OGDH: variants seen among roughly 807,000 people sequenced by gnomAD.
The protein encoded by OGDH is 2-oxoglutarate dehydrogenase complex component E1.
Under a neutral mutation model 116.6 loss-of-function variants are expected in OGDH, and 38 were observed. That is an observed-to-expected ratio of 0.33 (90% CI 0.25 to 0.43). The LOEUF is 0.43. OGDH is among the 20% of genes least tolerant of loss of function. The probability of loss-of-function intolerance (pLI) is 1.00; values close to 1 mark genes in which losing one functional copy is unlikely to be tolerated. For synonymous variants in OGDH, 488 were observed against 533.3 expected (o/e 0.92, Z 1.17); for missense variants, 825 against 1,357.2 (o/e 0.61, Z 6.16).
At chr7:44,674,665 G>C (rs1054389000) in intron 7 of OGDH, 108 bp downstream of exon 7, 19 of 1,249,602 alleles carry the variant, frequency 1.5e-5, no homozygotes, top group Admixed American at 6.1e-5. Flanking sequence ...TTGAGTGCCA[G>C]TTGTGAGTCT....
chr7:44,688,744 TTTG>T (rs957946821), intron 10 of OGDH, among the ~76,000 whole-genome samples: 2 of 151,996 alleles, frequency 1.3e-5, no homozygotes, highest in Non-Finnish European at 2.9e-5. Flanking sequence ...ATATACATTT[TTTG>T]TTGTTGTTTG....
Position 44,667,734 on chromosome 7 carries a change from G to A in OGDH, c.633+883G>A, listed in dbSNP as rs113639914. On this transcript the variant is annotated intron_variant, in intron 5 of 22. Coordinates refer to ENST00000222673, the MANE Select transcript of OGDH (RefSeq NM_002541.4). ...GAGGGGAGAATGGATTTGATGAGAG[G>A]TGCATGCCAAGAGTTGGCTATTACT... is the stretch of plus-strand genomic sequence containing the variant. Among the ~76,000 whole-genome samples the A allele has an allele frequency of 4.0e-3, 615 of 152,290 alleles. 5 individuals are homozygous for A. The highest frequency in any genetic ancestry group is 0.014 in the African/African-American group (592 of 41,548).
At chr7:44,626,965 G>A (rs1454835540) in intron 2 of OGDH, among the ~76,000 whole-genome samples, 2 of 152,092 alleles carry the variant, frequency 1.3e-5, no homozygotes, top group African/African-American at 4.8e-5. Context: ...CCCAGTATGT[G>A]GTGTGTGCAT....
chr7:44,633,218 A>G (rs1166430748), intron 2 of OGDH, among the ~76,000 whole-genome samples: 7 of 139,972 alleles, frequency 5.0e-5, no homozygotes, highest in Non-Finnish European at 1.1e-4. Context: ...GAGCCACTGC[A>G]CTCTAGCCTG....
At chr7:44,696,830 G>T in intron 14 of OGDH, 84 bp from the exon 15 acceptor site, 1 of 1,467,850 alleles carries the variant, frequency 6.8e-7, no homozygotes, top group Non-Finnish European at 9.1e-7. Flanking sequence ...AGAAGGCTCC[G>T]CTCTTGCCAT....
intron 18 of OGDH, 140 bp from the exon 19 acceptor site, chr7:44,700,001 C>T: frequency 1.1e-6 from 1 of 930,822 alleles, no homozygotes; most frequent in South Asian, 1.6e-5. Flanking sequence ...CAGGCCCCAC[C>T]TCCAGCAGTG....
In OGDH at chr7:44,610,538, G is replaced by A. The variant is rs561923924; in HGVS notation, c.-28+3885G>A. On this transcript the variant is annotated intron_variant, in intron 1 of 22. Transcript: ENST00000222673. ...AGGCTGGTCTCGAACTCCTGACCTC[G>A]CGATCTGTCCACCTCAGCCTCCCAG... 3.3e-5 allele frequency among the ~76,000 whole-genome samples: 5 copies of A among 152,190 alleles called. No homozygotes were observed. The East Asian group carries it at 7.7e-4, about 24-fold the overall frequency.
Position 44,705,051 on chromosome 7 carries a change from CTTTTTT to C in OGDH, c.2633-2160_2633-2155del, listed in dbSNP as rs777624714. 3.2e-5 allele frequency among the ~76,000 whole-genome samples: 3 copies of C among 93,948 alleles called. 1 individual carries two copies. Among genetic ancestry groups the C allele is most frequent in the Admixed American group, 2.1e-4 (2 of 9,368 alleles). 61.6% of individuals were successfully genotyped at this position (93,948 alleles called of 152,430 possible). On this transcript the variant is annotated intron_variant, in intron 20 of 22. Coordinates refer to ENST00000222673, the MANE Select transcript of OGDH (RefSeq NM_002541.4). The stretch of plus-strand genomic sequence containing the variant: ...TTGATGTACAAAAGTTTTTAATTTT[CTTTTTT>C]TTTTTTTTTTTTTGAGACGGAGTCT...
At chr7:44,655,624 G>T (rs1234115989) in intron 4 of OGDH, among the ~76,000 whole-genome samples, 1 of 152,238 alleles carries the variant, frequency 6.6e-6, no homozygotes, top group African/African-American at 2.4e-5. Context: ...GACAGTAAGG[G>T]TCAGGAGCAT....
chr7:44,658,868 C>G (rs1055522407), intron 4 of OGDH, among the ~76,000 whole-genome samples: 1 of 152,026 alleles, frequency 6.6e-6, no homozygotes, highest in Non-Finnish European at 1.5e-5. Context: ...CTGATTCTTG[C>G]TCTGTCACCC....
chr7:44,639,256 G>A (rs1267643282), intron 2 of OGDH, among the ~76,000 whole-genome samples: 1 of 152,162 alleles, frequency 6.6e-6, no homozygotes, highest in Non-Finnish European at 1.5e-5. Context: ...ATCTCCTTGG[G>A]GAGTGGAAGA....
At chr7:44,684,296 A>T (rs1033529363) in intron 10 of OGDH, among the ~76,000 whole-genome samples, 2 of 152,256 alleles carry the variant, frequency 1.3e-5, no homozygotes, top group Middle Eastern at 6.8e-3. Context: ...TATAAAGATG[A>T]TTTGTTATAG....
intron 4 of OGDH, among the ~76,000 whole-genome samples, chr7:44,658,445 T>A (rs1372977089): frequency 2.0e-5 from 3 of 151,900 alleles, no homozygotes; most frequent in African/African-American, 7.3e-5. Flanking sequence ...ATGAACTCAT[T>A]CTAGGGCTTT....
At chr7:44,610,302 T>TG (rs1554295487) in intron 1 of OGDH, among the ~76,000 whole-genome samples, 2 of 152,252 alleles carry the variant, frequency 1.3e-5, no homozygotes, top group African/African-American at 4.8e-5. Context: ...TTGGTTTTTT[T>TG]TTTGTTTGTT....
rs550064285 is a variant in OGDH, at chr7:44,663,010, C to G, written c.518-3726C>G. ...TATTTGGGAAGTTTTTAGCTAAGTA[C>G]CTTTTCAGCCACCCTCTTTATTTTC... On this transcript the variant is annotated intron_variant, in intron 4 of 22. Transcript: ENST00000222673. 5.3e-5 allele frequency among the ~76,000 whole-genome samples: 8 copies of G among 152,260 alleles called. 1 individual carries two copies. In the South Asian group the frequency reaches 1.7e-3, roughly 32 times the overall value.
intron 5 of OGDH, among the ~76,000 whole-genome samples, chr7:44,671,545 C>T (rs960326475): frequency 9.9e-5 from 15 of 151,700 alleles, no homozygotes; most frequent in Middle Eastern, 3.4e-3. Context: ...GGGCGGATCA[C>T]GAGGTCAGGA....
chr7:44,646,940 A>G lies in OGDH; in HGVS notation c.415-717A>G, dbSNP rs180671417. Among the ~76,000 whole-genome samples the G allele has an allele frequency of 2.2e-3, 340 of 152,084 alleles. 3 individuals are homozygous for G. The highest frequency in any genetic ancestry group is 0.014 in the Middle Eastern group (4 of 294). The stretch of plus-strand genomic sequence containing the variant: ...AGCCTTCATTTTCCTACTTAGAAAA[A>G]TTTTTCTTTAAATTTGATTTATTTT... On this transcript the variant is annotated intron_variant, in intron 3 of 22. Transcript: ENST00000222673.
chr7:44,664,686 G>T (rs7780417), intron 4 of OGDH, among the ~76,000 whole-genome samples: 26,832 of 152,060 alleles, frequency 0.18, 5,588 homozygotes, highest in African/African-American at 0.49. Context: ...TCTTATGATT[G>T]TTTTGCATAT....
chr7:44,669,722 G>C (rs894088713), intron 5 of OGDH, among the ~76,000 whole-genome samples: 2 of 152,024 alleles, frequency 1.3e-5, no homozygotes, highest in Non-Finnish European at 2.9e-5. Context: ...CTTGGAGTTG[G>C]CTCTTGTTGT....
Sources: allele counts gnomAD v4.1 joint callset (sites outside exome capture counted in the v4.1 genomes callset), GRCh38; gene constraint gnomAD v4.1.1; transcripts MANE v1.5; gene names NCBI Gene and HGNC (gene_info 2026-07-23, HGNC 2026-07-21).